SPON1: variants seen among roughly 807,000 people sequenced by gnomAD.
SPON1 encodes the protein spondin-1.
SPON1 carries 52 observed loss-of-function variants against 111.7 expected under a neutral mutation model. The ratio of observed to expected loss-of-function variants is 0.47; its 90% CI spans 0.37 to 0.59. The LOEUF (loss-of-function observed/expected upper bound fraction) is 0.59, where lower values mean the gene tolerates loss of function less well. Among genes scored for constraint, SPON1 ranks in the 20% least tolerant of loss-of-function variants. The pLI, the probability that SPON1 is intolerant of heterozygous loss-of-function variation, is 0.00. For synonymous variants in SPON1, 410 were observed against 395.8 expected, an observed-to-expected ratio of 1.04 and a Z score of -0.43; for missense variants, 957 against 1,068.5, an observed-to-expected ratio of 0.90 and a Z score of 1.46.
At chr11:14,234,113 G>A (rs1315701362) in intron 6 of SPON1, among the ~76,000 whole-genome samples, 1 of 152,138 alleles carries the variant, frequency 6.6e-6, no homozygotes, top group Non-Finnish European at 1.5e-5. Flanking sequence ...TAGGGTTAGG[G>A]GTGCTGAAAG....
intron 2 of SPON1, among the ~76,000 whole-genome samples, chr11:13,990,208 G>A (rs2133786186): frequency 6.6e-6 from 1 of 152,090 alleles, no homozygotes; most frequent in Non-Finnish European, 1.5e-5. Flanking sequence ...CTAAGAACTT[G>A]CTTTATGAAT....
intron 3 of SPON1, among the ~76,000 whole-genome samples, chr11:14,047,617 G>T (rs1252471621): frequency 6.6e-6 from 1 of 152,158 alleles, no homozygotes; most frequent in Non-Finnish European, 1.5e-5. Flanking sequence ...ATGAGGAATG[G>T]AAAAATCAGA....
At chr11:14,019,762 C>A (rs782034181) in intron 2 of SPON1, among the ~76,000 whole-genome samples, 4 of 152,140 alleles carry the variant, frequency 2.6e-5, no homozygotes, top group Non-Finnish European at 5.9e-5. Flanking sequence ...TCTTCTATTC[C>A]ATAAAATGGC....
At chr11:14,057,239 G>C (rs868965402) in intron 3 of SPON1, among the ~76,000 whole-genome samples, 2 of 152,154 alleles carry the variant, frequency 1.3e-5, no homozygotes, top group Non-Finnish European at 2.9e-5. Context: ...AGGATGCAAT[G>C]AGAAGAAAAC....
intron 3 of SPON1, among the ~76,000 whole-genome samples, chr11:14,062,401 T>A (rs1281747827): frequency 6.6e-6 from 1 of 152,192 alleles, no homozygotes; most frequent in Non-Finnish European, 1.5e-5. Flanking sequence ...TTACATTTCC[T>A]AAGAAGGGTA....
At chr11:14,159,946 T>C (rs148642670) in intron 6 of SPON1, among the ~76,000 whole-genome samples, 15 of 152,028 alleles carry the variant, frequency 9.9e-5, no homozygotes, top group African/African-American at 3.1e-4. Flanking sequence ...TACAAAAACA[T>C]AGTGAGAACG....
rs538447519 is a variant in SPON1, at chr11:14,004,170, T to TACACAC, written c.345+21226_345+21231dup. 2.0e-5 allele frequency among the ~76,000 whole-genome samples: 3 copies of TACACAC among 151,080 alleles called. No homozygotes were observed. In the South Asian group the frequency reaches 6.3e-4, roughly 32 times the overall value. ...ACACACACAGACACACACACACACA[T>TACACAC]ACACACACACACACGTGTACATGTT... On this transcript the variant is annotated intron_variant, in intron 2 of 15. Transcript: ENST00000576479.
intron 2 of SPON1, among the ~76,000 whole-genome samples, chr11:14,008,477 C>T (rs1163674805): frequency 6.6e-6 from 1 of 152,170 alleles, no homozygotes; most frequent in Non-Finnish European, 1.5e-5. Context: ...TCCTGACCCA[C>T]CTATGGGTCA....
chr11:14,127,317 A>AT lies in SPON1; in HGVS notation c.677-8103_677-8102insT, dbSNP rs1847471726. Among the ~76,000 whole-genome samples, 3 of 150,102 alleles carry AT rather than the reference A, an allele frequency of 2.0e-5. 1 individual carries two copies. The South Asian group carries it at 6.4e-4, about 32-fold the overall frequency. On this transcript the variant is annotated intron_variant, in intron 5 of 15. Coordinates refer to ENST00000576479, the MANE Select transcript of SPON1 (RefSeq NM_006108.4). Reference sequence around the variant, plus strand: ...TCTGACCTCCGAAAAAAAAAAAAAAACCCAGTTTTAACTACTTTACCAAAA... The same window carrying AT: ...TCTGACCTCCGAAAAAAAAAAAAAAATCCCAGTTTTAACTACTTTACCAAAA...
intron 6 of SPON1, among the ~76,000 whole-genome samples, chr11:14,155,636 G>A (rs1335227712): frequency 6.6e-6 from 1 of 151,172 alleles, no homozygotes; most frequent in Non-Finnish European, 1.5e-5. Flanking sequence ...ATCTCCTAAA[G>A]CTATCCCTCC....
intron 2 of SPON1, among the ~76,000 whole-genome samples, chr11:13,983,550 G>C (rs1848160437): frequency 2.0e-5 from 3 of 152,198 alleles, no homozygotes; most frequent in Admixed American, 2.0e-4. Flanking sequence ...TAAGACAAAA[G>C]TGGGTCAAGA....
intron 5 of SPON1, among the ~76,000 whole-genome samples, chr11:14,122,294 C>T (rs905719872): frequency 2.0e-5 from 3 of 152,268 alleles, no homozygotes; most frequent in South Asian, 2.1e-4. Context: ...CTGCCTCAGC[C>T]GCCTGAGTAA....
At chr11:14,002,732 C>T (rs1376245798) in intron 2 of SPON1, among the ~76,000 whole-genome samples, 1 of 152,006 alleles carries the variant, frequency 6.6e-6, no homozygotes, top group Non-Finnish European at 1.5e-5. Context: ...ACTGGAAAAC[C>T]CCAAACACAG....
chr11:14,183,942 G>A (rs1480734947), intron 6 of SPON1, among the ~76,000 whole-genome samples: 5 of 152,096 alleles, frequency 3.3e-5, no homozygotes, highest in Non-Finnish European at 2.9e-5. Context: ...AGTAATAAAC[G>A]TAAATGGCCC....
At chr11:14,123,281 T>C (rs1554926703) in intron 5 of SPON1, among the ~76,000 whole-genome samples, 1 of 152,148 alleles carries the variant, frequency 6.6e-6, no homozygotes, top group Non-Finnish European at 1.5e-5. Context: ...TACTACATTG[T>C]TGAGTGTCTG....
rs1220357668 is a variant in SPON1, at chr11:14,267,451, A to AG, written c.*1764_*1765insG. ...AATTATTTTTCTACTTGGGGGGAAA[A>AG]AAGTCCTCATGTAGAAGCACCCACT... is the stretch of plus-strand genomic sequence containing the variant. On this transcript the variant is annotated 3_prime_UTR_variant, in exon 16 of 16. Transcript: ENST00000576479. 3 of 152,056 alleles carry AG rather than the reference A, an allele frequency of 2.0e-5. No homozygotes were observed. The East Asian group carries it at 5.8e-4, about 29-fold the overall frequency. The allele number at this position is 152,056 out of a possible 1,614,324, so 9.4% of individuals were successfully genotyped here. A position where few individuals can be genotyped will look rare whatever the true frequency, so the allele number is the denominator to read the frequency against.
intron 5 of SPON1, among the ~76,000 whole-genome samples, chr11:14,088,633 A>G (rs1554922986): frequency 1.4e-5 from 2 of 145,390 alleles, no homozygotes; most frequent in African/African-American, 2.4e-5. Flanking sequence ...CTCGGGGAGT[A>G]TCATTGTGGT....
At chr11:14,087,820 CT>C (rs1849018474) in intron 5 of SPON1, among the ~76,000 whole-genome samples, 1 of 152,152 alleles carries the variant, frequency 6.6e-6, no homozygotes, top group African/African-American at 2.4e-5. Context: ...AATCTGGGTG[CT>C]CCTGTATTGG....
chr11:14,221,857 C>T (rs547159932), intron 6 of SPON1, among the ~76,000 whole-genome samples: 54 of 152,320 alleles, frequency 3.5e-4, no homozygotes, highest in African/African-American at 1.3e-3. Context: ...TGTGAGCCTC[C>T]TAATGCCCAG....
Sources: gnomAD v4.1 joint callset for allele counts (sites outside exome capture counted in the v4.1 genomes callset) on GRCh38, gnomAD v4.1.1 for gene constraint, MANE v1.5 for transcripts, NCBI Gene and HGNC (gene_info 2026-07-23, HGNC 2026-07-21) for gene names.